DHX36: variants seen among roughly 807,000 people sequenced by gnomAD.
DHX36 encodes the protein ATP-dependent DNA/RNA helicase DHX36.
In DHX36, 50 loss-of-function variants were observed where a neutral mutation model predicts 139.0. The ratio of observed to expected loss-of-function variants is 0.36; its 90% CI spans 0.29 to 0.46. DHX36 has a LOEUF of 0.46. Ranked by LOEUF, DHX36 falls within the 20% of genes least tolerant of loss-of-function variation. DHX36 has a pLI of 1.00. For missense variants in DHX36, 1,024 were observed against 1,211.3 expected, an observed-to-expected ratio of 0.85 and a Z score of 2.29; for synonymous variants, 425 against 401.9, an observed-to-expected ratio of 1.06 and a Z score of -0.69.
chr3:154,286,240 T>TGAG lies in DHX36; in HGVS notation c.2032-1254_2032-1253insCTC, dbSNP rs375245742. Among the ~76,000 whole-genome samples the TGAG allele has an allele frequency of 1.7e-3, 249 of 149,092 alleles. 2 individuals carry two copies. Among genetic ancestry groups the TGAG allele is most frequent in the African/African-American group, 5.9e-3 (239 of 40,808 alleles). On this transcript the variant is annotated intron_variant, in intron 17 of 24. Coordinates refer to ENST00000496811, the MANE Select transcript of DHX36 (RefSeq NM_020865.3). ...AATGATTTGCTGATAGCTTCTCCTT[T>TGAG]AAGAAGAATAAGACAAGAAGGCACA...
chr3:154,324,300 G>GCCT lies in DHX36; in HGVS notation c.114_116dup (p.Gly46dup). 2 of 1,604,630 alleles carry GCCT rather than the reference G, an allele frequency of 1.2e-6. No homozygotes were observed. Among genetic ancestry groups the GCCT allele is most frequent in the Non-Finnish European group, 1.7e-6 (2 of 1,176,224 alleles). On this transcript the variant is annotated inframe_insertion, in exon 1 of 25. Coordinates refer to ENST00000496811, the MANE Select transcript of DHX36 (RefSeq NM_020865.3). ...CTCGACCACCCCCTCCGCCGCCGCC[G>GCCT]CCTCCTCCGGAGCCTCGGTTACCTC...
At position 154,311,640 on chromosome 3, in the gene DHX36, T is replaced by C. The variant is rs1337710062; in HGVS notation, c.638A>G (p.Gln213Arg). The change falls in exon 4 of 25, where the codon CAA becomes CGA. Residue 213 changes from glutamine to arginine, a missense_variant. Physicochemically the swap from Gln to Arg is conservative, Grantham distance 43 (BLOSUM62 1). Around this residue, in one of 4 missense-constraint regions of DHX36, gnomAD observed 293 missense variants for 274.4 expected, o/e 1.07. Coordinates refer to ENST00000496811, the MANE Select transcript of DHX36 (RefSeq NM_020865.3). ...TAGTGGAAAAAAGCACTTTACCTTT[T>C]GCATTCCATACGAAGGCAGCTTTTC... Reference protein sequence around the residue: ...FREKLPSYGMQKELVNLIDNH... With the variant: ...FREKLPSYGMRKELVNLIDNH... The C allele has an allele frequency of 6.3e-6, 10 of 1,597,494 alleles. No individual in the cohort carries two copies. Among genetic ancestry groups the C allele is most frequent in the Non-Finnish European group, 6.8e-6 (8 of 1,175,472 alleles).
chr3:154,301,308 T>C (rs1407718085), intron 9 of DHX36, among the ~76,000 whole-genome samples, 181 bp from the exon 10 acceptor site: 1 of 152,232 alleles, frequency 6.6e-6, no homozygotes, highest in Non-Finnish European at 1.5e-5. Context: ...ACCTGATATT[T>C]TGGATAAAAA....
intron 16 of DHX36, among the ~76,000 whole-genome samples, 171 bp from the exon 17 acceptor site, chr3:154,289,135 A>G (rs1163979869): frequency 6.6e-6 from 1 of 152,162 alleles, no homozygotes. Flanking sequence ...AACATGTTTA[A>G]AGTCCTATAT....
chr3:154,285,009 T>C, intron 17 of DHX36, 22 bp from the exon 18 acceptor site: 3 of 1,612,972 alleles, frequency 1.9e-6, no homozygotes, highest in Non-Finnish European at 2.5e-6. Flanking sequence ...GAGTGTGTGT[T>C]TAAAATAGAT....
chr3:154,308,294 T>C (rs1359960138), intron 5 of DHX36, among the ~76,000 whole-genome samples: 2 of 152,178 alleles, frequency 1.3e-5, no homozygotes, highest in Non-Finnish European at 2.9e-5. Flanking sequence ...TTAAAACATA[T>C]ACTGTATTTA....
intron 5 of DHX36, among the ~76,000 whole-genome samples, chr3:154,307,797 C>CAAAA (rs34088732): frequency 6.1e-4 from 85 of 140,300 alleles, no homozygotes; most frequent in East Asian, 1.6e-3. Flanking sequence ...ATCAATGTGT[C>CAAAA]AAAAAAAAAA....
At chr3:154,315,824 C>T (rs1712955919) in intron 2 of DHX36, among the ~76,000 whole-genome samples, 1 of 152,048 alleles carries the variant, frequency 6.6e-6, no homozygotes, top group Admixed American at 6.5e-5. Context: ...TAATACATCT[C>T]ATATCCAGAT....
chr3:154,319,587 C>T lies in DHX36; in HGVS notation c.244-3424G>A, dbSNP rs146301718. On this transcript the variant is annotated intron_variant, in intron 1 of 24. Transcript: ENST00000496811. ...AACCCCTCAACCTGAGCTCTGCAGT[C>T]CAGTTCCTTTCATGTCCTCAGGGCC... Among the ~76,000 whole-genome samples the T allele has an allele frequency of 6.9e-3, 1,048 of 152,264 alleles. 12 individuals carry two copies. Among genetic ancestry groups the T allele is most frequent in the African/African-American group, 0.024 (1,014 of 41,524 alleles).
chr3:154,296,305 T>G (rs957751126), intron 12 of DHX36, among the ~76,000 whole-genome samples: 17 of 152,082 alleles, frequency 1.1e-4, no homozygotes, highest in Non-Finnish European at 2.1e-4. Context: ...AAACCCCGTC[T>G]ATACTAAAAA....
chr3:154,320,065 T>C (rs1032658194), intron 1 of DHX36, among the ~76,000 whole-genome samples: 1 of 152,212 alleles, frequency 6.6e-6, no homozygotes, highest in African/African-American at 2.4e-5. Flanking sequence ...AACGACCTTG[T>C]TGATAAATCC....
In DHX36 at chr3:154,276,221, C is replaced by T; in HGVS notation, c.2977G>A (p.Ala993Thr). 2 of 1,613,084 alleles carry T rather than the reference C, an allele frequency of 1.2e-6. No homozygotes were observed. The highest frequency in any genetic ancestry group is 1.7e-6 in the Non-Finnish European group (2 of 1,179,586). ...IIDLIKTQEK[A>T]TPRNFPPRFQ... ...CGTGGCGGAAAGTTCCTGGGAGTTG[C>T]CTTTTCCTGTGTTTTGATCAAGTCT... Residue 993 changes from alanine to threonine, a missense_variant, in exon 25 of 25, where the codon GCA (alanine) becomes ACA (threonine). Transcript: ENST00000496811.
chr3:154,315,379 T>C, intron 2 of DHX36, 99 bp from the exon 3 acceptor site: 1 of 765,302 alleles, frequency 1.3e-6, no homozygotes. Context: ...TATTTCAAAG[T>C]CATCCAAATC....
At chr3:154,293,716 C>A in intron 14 of DHX36, 32 bp downstream of exon 14, 1 of 1,500,228 alleles carries the variant, frequency 6.7e-7, no homozygotes, top group Middle Eastern at 1.8e-4. Flanking sequence ...CTTATGTAAT[C>A]ATCAGTATTT....
chr3:154,296,772 C>G (rs1005397029), intron 12 of DHX36, among the ~76,000 whole-genome samples: 5 of 152,130 alleles, frequency 3.3e-5, no homozygotes, highest in African/African-American at 1.2e-4. Context: ...CTGTTGTTAT[C>G]TAAAGGATAT....
chr3:154,281,575 GA>G, intron 20 of DHX36, among the ~76,000 whole-genome samples: 1 of 151,976 alleles, frequency 6.6e-6, no homozygotes, highest in South Asian at 2.1e-4. Context: ...ACAATTTAAA[GA>G]AAAGTTAAAT....
At chr3:154,292,730 C>G (rs1268012668) in intron 14 of DHX36, 36 bp from the exon 15 acceptor site, 1 of 311,476 alleles carries the variant, frequency 3.2e-6, no homozygotes, top group Admixed American at 6.8e-5. Flanking sequence ...TGTTAAAACA[C>G]ACACACACAC....
At chr3:154,314,854 G>A in intron 3 of DHX36, 192 bp downstream of exon 3, 1 of 525,810 alleles carries the variant, frequency 1.9e-6, no homozygotes, top group Non-Finnish European at 3.4e-6. Context: ...GGATGAGATA[G>A]GATACTGTAG....
chr3:154,305,493 C>T (rs1712462950), intron 6 of DHX36, among the ~76,000 whole-genome samples: 1 of 152,182 alleles, frequency 6.6e-6, no homozygotes, highest in African/African-American at 2.4e-5. Flanking sequence ...GCAAATGTGT[C>T]AGGCATGGTG....
Sources: gnomAD v4.1 joint callset for allele counts (sites outside exome capture counted in the v4.1 genomes callset) on GRCh38, gnomAD v4.1.1 for gene constraint, gnomAD v4.1.1 regional missense constraint, MANE v1.5 for transcripts, NCBI Gene and HGNC (gene_info 2026-07-23, HGNC 2026-07-21) for gene names.